AGAP4: variants seen among roughly 807,000 people sequenced by gnomAD.
AGAP4 encodes arf-GAP with GTPase, ANK repeat and PH domain-containing protein 4.
AGAP4 carries 13 observed loss-of-function variants against 60.7 expected under a neutral mutation model. The observed-to-expected ratio is 0.21, with a 90% CI of 0.14 to 0.34. The LOEUF (loss-of-function observed/expected upper bound fraction) is 0.34. Ranked by LOEUF, AGAP4 falls within the 10% of genes least tolerant of loss-of-function variation. The pLI, the probability that AGAP4 is intolerant of heterozygous loss-of-function variation, is 1.00. For missense variants in AGAP4, 169 were observed against 884.0 expected (o/e 0.19, Z 10.26); for synonymous variants, 70 against 339.0 (o/e 0.21, Z 8.72).
intron 5 of AGAP4, among the ~76,000 whole-genome samples, chr10:45,832,368 C>A (rs1341424212): frequency 6.7e-6 from 1 of 149,894 alleles, no homozygotes; most frequent in Non-Finnish European, 1.5e-5. Flanking sequence ...CAAATTGGAG[C>A]AGTTTCTCGT....
At chr10:45,849,499 T>C (rs1331222387), upstream of AGAP4, among the ~76,000 whole-genome samples, 2 of 150,950 alleles carry the variant, frequency 1.3e-5, no homozygotes, top group African/African-American at 4.9e-5. Context: ...ATTATTATTA[T>C]TTTGAGATGA....
chr10:45,854,044 T>C (rs2059113125), upstream of AGAP4: 1 of 387,580 alleles, frequency 2.6e-6, no homozygotes, highest in Non-Finnish European at 4.1e-6. Context: ...TATTATCACA[T>C]ATCAGCAGGG....
upstream of AGAP4, chr10:45,854,221 G>A (rs1464798622): frequency 5.5e-6 from 1 of 183,424 alleles, no homozygotes; most frequent in Non-Finnish European, 1.2e-5. Flanking sequence ...CTGGGTGAAG[G>A]GACTGACTGC....
At chr10:45,831,874 G>A (rs1231677041) in intron 5 of AGAP4, among the ~76,000 whole-genome samples, 16 of 145,968 alleles carry the variant, frequency 1.1e-4, no homozygotes, top group African/African-American at 3.8e-4. Context: ...CAAGAAGCTG[G>A]GACTACAAGT....
At chr10:45,844,461 T>A in intron 2 of AGAP4, 67 bp from the exon 3 acceptor site, 1 of 1,591,952 alleles carries the variant, frequency 6.3e-7, no homozygotes, top group Non-Finnish European at 8.5e-7. Flanking sequence ...AACTCGTTTA[T>A]TCGACTGCTG....
At chr10:45,852,748 G>T (rs2059100422) in intron 1 of AGAP4, among the ~76,000 whole-genome samples, 1 of 152,076 alleles carries the variant, frequency 6.6e-6, no homozygotes, top group African/African-American at 2.4e-5. Context: ...CTCAGTTTCA[G>T]TAACCAGTAT....
upstream of AGAP4, among the ~76,000 whole-genome samples, chr10:45,852,228 A>AACAAACAAAC (rs1554900503): frequency 4.9e-5 from 6 of 122,660 alleles, no homozygotes; most frequent in Non-Finnish European, 1.2e-4. Context: ...AAAAAAAAAA[A>AACAAACAAAC]AAAAAAAAAA....
chr10:45,831,929 G>A lies in AGAP4; in HGVS notation c.498-500C>T, dbSNP rs2058738459. Among the ~76,000 whole-genome samples, 4 of 148,004 alleles carry A rather than the reference G, an allele frequency of 2.7e-5. 1 individual carries two copies. Among genetic ancestry groups the A allele is most frequent in the Middle Eastern group, 3.5e-3 (1 of 282 alleles). On this transcript the variant is annotated intron_variant, in intron 5 of 7. Transcript: ENST00000616763. ...TAATGTTTTTTTGGGGGGTGGGGTG[G>A]ATGGAGTTTCGCTCTTGTTGCCCAG...
chr10:45,853,025 C>T (rs1554900674), intron 1 of AGAP4, among the ~76,000 whole-genome samples: 1 of 151,990 alleles, frequency 6.6e-6, no homozygotes, highest in African/African-American at 2.4e-5. Context: ...AGTTTTACAA[C>T]CCTTTGCAAG....
intron 5 of AGAP4, among the ~76,000 whole-genome samples, chr10:45,832,354 C>G (rs1484768366): frequency 6.7e-6 from 1 of 149,580 alleles, no homozygotes; most frequent in Non-Finnish European, 1.5e-5. Flanking sequence ...GCCCAAGGTC[C>G]CACCAAATTG....
In AGAP4 at chr10:45,830,202, G is replaced by A. The variant is rs4043087; in HGVS notation, c.533+1192C>T. Among the ~76,000 whole-genome samples the A allele has an allele frequency of 2.1e-4, 28 of 132,278 alleles. No individual in the cohort carries two copies. The East Asian group carries it at 2.1e-3, about 10-fold the overall frequency. The allele number at this position is 132,278 out of a possible 152,430, so 86.8% of individuals were successfully genotyped here. ...TTTTTTCTTTTTTTGAGACAGAGTC[G>A]CTCTCTGTCACCCAGGCTGGGGTGC... On this transcript the variant is annotated intron_variant, in intron 6 of 7. Transcript: ENST00000616763.
chr10:45,841,425 A>G lies in AGAP4; in HGVS notation c.396+228T>C, dbSNP rs1269156650. On this transcript the variant is annotated intron_variant, in intron 4 of 7. Coordinates refer to ENST00000616763, the MANE Select transcript of AGAP4 (RefSeq NM_001276343.3). ...CCTTAAGGCAGATCTTTTGAACCGG[A>G]CTATTGAAATTTAACTTAAATGTCA... 6.9e-6 allele frequency: 3 copies of G among 433,280 alleles called. No homozygotes were observed. The Admixed American group carries it at 1.1e-4, about 17-fold the overall frequency. The allele number at this position is 433,280 out of a possible 1,614,324, so 26.8% of individuals were successfully genotyped here.
intron 2 of AGAP4, among the ~76,000 whole-genome samples, chr10:45,845,625 C>T (rs1362906633): frequency 3.6e-5 from 4 of 112,066 alleles, no homozygotes; most frequent in Non-Finnish European, 7.7e-5. Context: ...TTTTGTGAGA[C>T]GGAGTCTCGC....
Position 45,834,674 on chromosome 10 carries a change from C to CA in AGAP4, c.397-559dup, listed in dbSNP as rs1174820110. 6.5e-3 allele frequency among the ~76,000 whole-genome samples: 99 copies of CA among 15,200 alleles called. 5 individuals are homozygous for CA. The highest frequency in any genetic ancestry group is 0.031 in the African/African-American group (49 of 1,584). 10.0% of individuals were successfully genotyped at this position (15,200 alleles called of 152,430 possible). The stretch of plus-strand genomic sequence containing the variant: ...CGGCAGACAAAGTGAGACTCCGCCT[C>CA]AAAAAAAAAAAAAAAAAAAAAAAAG... On this transcript the variant is annotated intron_variant, in intron 4 of 7. Transcript: ENST00000616763.
At chr10:45,849,272 C>T (rs1197352679), upstream of AGAP4, among the ~76,000 whole-genome samples, 1 of 151,536 alleles carries the variant, frequency 6.6e-6, no homozygotes, top group African/African-American at 2.4e-5. Flanking sequence ...TGAGGACTTA[C>T]TGAATATCAC....
upstream of AGAP4, among the ~76,000 whole-genome samples, chr10:45,850,531 G>A (rs1199784905): frequency 1.3e-5 from 2 of 152,294 alleles, no homozygotes; most frequent in African/African-American, 4.8e-5. Context: ...TCTGTCAGAT[G>A]TGTGTGTAGT....
upstream of AGAP4, among the ~76,000 whole-genome samples, chr10:45,851,743 C>G (rs1166083583): frequency 5.3e-5 from 8 of 151,586 alleles, no homozygotes; most frequent in African/African-American, 1.7e-4. Flanking sequence ...GAAGGAAGAA[C>G]TAATGCAGAA....
intron 6 of AGAP4, among the ~76,000 whole-genome samples, chr10:45,828,684 T>A (rs2058683750): frequency 9.8e-6 from 1 of 102,242 alleles, no homozygotes; most frequent in African/African-American, 3.7e-5. Flanking sequence ...GTCATAACTG[T>A]TCTTTTTTTT....
chr10:45,841,427 T>A (rs1327672991), intron 4 of AGAP4: 21 of 433,602 alleles, frequency 4.8e-5, no homozygotes, highest in African/African-American at 4.1e-4. Flanking sequence ...TGAACCGGAC[T>A]ATTGAAATTT....
Sources: allele counts gnomAD v4.1 joint callset (sites outside exome capture counted in the v4.1 genomes callset), GRCh38; gene constraint gnomAD v4.1.1; transcripts MANE v1.5; gene names NCBI Gene and HGNC (gene_info 2026-07-23, HGNC 2026-07-21).